The following ASAH2B variants were observed in gnomAD, a reference collection of about 807,000 sequenced individuals.
The protein encoded by ASAH2B is N-acylsphingosine amidohydrolase 2B.
In ASAH2B, 1 loss-of-function variant was observed where a neutral mutation model predicts 2.9. The observed-to-expected ratio is 0.34, with a 90% confidence interval of 0.12 to 1.63. The LOEUF is 1.63. Ranked by LOEUF, ASAH2B falls within the 40% of genes most tolerant of loss-of-function variation. The probability of loss-of-function intolerance (pLI) is 0.36; values close to 1 mark genes in which losing one functional copy is unlikely to be tolerated. For missense variants in ASAH2B, 9 were observed against 37.7 expected (o/e 0.24, Z 1.99); for synonymous variants, 4 against 13.3 (o/e 0.30, Z 1.52).
chr10:50,758,947 C>T lies in ASAH2B; in HGVS notation c.*4207C>T, dbSNP rs537043043. 1.1e-4 allele frequency: 16 copies of T among 151,908 alleles called. No individual in the cohort carries two copies. Among genetic ancestry groups the T allele is most frequent in the African/African-American group, 3.9e-4 (16 of 41,512 alleles). 9.4% of individuals were successfully genotyped at this position (151,908 alleles called of 1,614,324 possible). On this transcript the variant is annotated 3_prime_UTR_variant, in exon 6 of 6. Coordinates refer to ENST00000647317, the MANE Select transcript of ASAH2B (RefSeq NM_001321958.2). ...GGAAGAAATAACATATAAGCTAAGA[C>T]TTAAAAGATATGTAGAAATTAGCTA...
rs1837067867 is a variant in ASAH2B, at chr10:50,755,529, C to G, written c.*789C>G. 2 of 148,216 alleles carry G rather than the reference C, an allele frequency of 1.3e-5. No individual in the cohort carries two copies. Among genetic ancestry groups the G allele is most frequent in the South Asian group, 4.3e-4 (2 of 4,672 alleles). 9.2% of individuals were successfully genotyped at this position (148,216 alleles called of 1,614,324 possible). On this transcript the variant is annotated 3_prime_UTR_variant, in exon 6 of 6. Transcript: ENST00000647317. ...GTGTCTCTTACTCCCAAGACTTATT[C>G]CAAATGATTTTTTGACTCTTTTCAT...
At chr10:50,744,706 T>G (rs1564470501) in intron 2 of ASAH2B, 1 of 152,486 alleles carries the variant, frequency 6.6e-6, no homozygotes, top group African/African-American at 2.5e-5. Context: ...GACAAGAATC[T>G]AGGAAAAAAC....
At chr10:50,754,166 CAT>C (rs1164698561) in intron 5 of ASAH2B, among the ~76,000 whole-genome samples, 224 of 145,494 alleles carry the variant, frequency 1.5e-3, no homozygotes, top group African/African-American at 5.2e-3. Context: ...TACACACACA[CAT>C]ATATATATAT....
At chr10:50,741,912 A>G (rs1839836360) in intron 1 of ASAH2B, among the ~76,000 whole-genome samples, 1 of 152,294 alleles carries the variant, frequency 6.6e-6, no homozygotes, top group East Asian at 1.9e-4. Context: ...TAGGCAGAGG[A>G]CTGATTAAGA....
intron 4 of ASAH2B, among the ~76,000 whole-genome samples, chr10:50,751,607 T>TA (rs1274633443): frequency 6.6e-6 from 1 of 151,800 alleles, no homozygotes; most frequent in East Asian, 1.9e-4. Context: ...GTTGAATACT[T>TA]AAAGAAGAAT....
chr10:50,757,120 G>A lies in ASAH2B; in HGVS notation c.*2380G>A, dbSNP rs1188195991. Reference sequence around the variant, plus strand: ...CTTTGCCGGGTCTAGATTTTTTGATGAGTACTGTGTAAAATTGTCAATATT... The same window carrying A: ...CTTTGCCGGGTCTAGATTTTTTGATAAGTACTGTGTAAAATTGTCAATATT... On this transcript the variant is annotated 3_prime_UTR_variant, in exon 6 of 6. Coordinates refer to ENST00000647317, the MANE Select transcript of ASAH2B (RefSeq NM_001321958.2). The A allele has an allele frequency of 6.6e-6, 1 of 151,476 alleles. No homozygotes were observed. Among genetic ancestry groups the A allele is most frequent in the Non-Finnish European group, 1.5e-5 (1 of 67,698 alleles). The allele number at this position is 151,476 out of a possible 1,614,324, so 9.4% of individuals were successfully genotyped here. A position where few individuals can be genotyped will look rare whatever the true frequency, so the allele number is the denominator to read the frequency against.
Position 50,754,848 on chromosome 10 carries a change from T to C in ASAH2B, c.*108T>C, listed in dbSNP as rs1837045431. The C allele has an allele frequency of 6.9e-6, 1 of 145,124 alleles. No homozygotes were observed. The highest frequency in any genetic ancestry group is 4.1e-5 in the African/African-American group (1 of 24,120). 9.0% of individuals were successfully genotyped at this position (145,124 alleles called of 1,614,324 possible). A position where few individuals can be genotyped will look rare whatever the true frequency, so the allele number is the denominator to read the frequency against. ...ACTACCATGTTGACTTCTATAATCG[T>C]CCCTGTTTGGGGACAGATAGTTTAC... On this transcript the variant is annotated 3_prime_UTR_variant, in exon 6 of 6. Coordinates refer to ENST00000647317, the MANE Select transcript of ASAH2B (RefSeq NM_001321958.2).
intron 2 of ASAH2B, 33 bp downstream of exon 2, chr10:50,743,043 C>CAT (rs1564469948): frequency 1.5e-5 from 22 of 1,481,386 alleles, no homozygotes; most frequent in African/African-American, 2.8e-5. Context: ...TGCGTGCGTG[C>CAT]GTGTGTGTGT....
rs1451638561 is a variant in ASAH2B, at chr10:50,754,916, G to A, written c.*176G>A. The A allele has an allele frequency of 1.2e-5, 4 of 343,212 alleles. No homozygotes were observed. Among genetic ancestry groups the A allele is most frequent in the Non-Finnish European group, 2.2e-5 (4 of 180,884 alleles). The allele number at this position is 343,212 out of a possible 1,614,324, so 21.3% of individuals were successfully genotyped here. ...GGTGTGTGTGTGTGTGTGTGTGTGT[G>A]TGTGTGTGTGTGTGTGTGTGTATGT... On this transcript the variant is annotated 3_prime_UTR_variant, in exon 6 of 6. Coordinates refer to ENST00000647317, the MANE Select transcript of ASAH2B (RefSeq NM_001321958.2).
chr10:50,754,946 G>C lies in ASAH2B; in HGVS notation c.*206G>C. On this transcript the variant is annotated 3_prime_UTR_variant, in exon 6 of 6. Transcript: ENST00000647317. Reference sequence around the variant, plus strand: ...TGTGTGTGTGTGTGTGTATGTGAGAGAGAGAGAGAGAGAGAGAGGTTTGTC... The same window carrying C: ...TGTGTGTGTGTGTGTGTATGTGAGACAGAGAGAGAGAGAGAGAGGTTTGTC... 1 of 421,808 alleles carries C rather than the reference G, an allele frequency of 2.4e-6. No homozygotes were observed. The highest frequency in any genetic ancestry group is 2.4e-5 in the South Asian group (1 of 41,564). The allele number at this position is 421,808 out of a possible 1,614,324, so 26.1% of individuals were successfully genotyped here.
chr10:50,747,180 T>TG (rs1197903565), intron 3 of ASAH2B, among the ~76,000 whole-genome samples: 1 of 151,006 alleles, frequency 6.6e-6, no homozygotes, highest in African/African-American at 2.5e-5. Context: ...GAGTTAATTT[T>TG]TATATTTCCT....
chr10:50,748,760 G>T (rs1208045424), intron 3 of ASAH2B, among the ~76,000 whole-genome samples: 2 of 150,518 alleles, frequency 1.3e-5, no homozygotes, highest in East Asian at 1.9e-4. Flanking sequence ...TTCTGCCGTG[G>T]CCCGTAAACT....
At chr10:50,745,856 T>G (rs1227206457) in intron 3 of ASAH2B, among the ~76,000 whole-genome samples, 4 of 150,760 alleles carry the variant, frequency 2.7e-5, no homozygotes, top group South Asian at 2.1e-4. Context: ...AATTTTTATT[T>G]AATTTTCTAA....
At position 50,743,020 on chromosome 10, in the gene ASAH2B, T is replaced by C. The variant is rs761842684; in HGVS notation, c.-4+10T>C. ...TAAGGCTATTGCTACGGTAATCAAA[T>C]ATTGTTTGTGCGTGCGTGCGTGCGT... On this transcript the variant is annotated intron_variant, in intron 2 of 5. Coordinates refer to ENST00000647317, the MANE Select transcript of ASAH2B (RefSeq NM_001321958.2). 1 of 1,612,914 alleles carries C rather than the reference T, an allele frequency of 6.2e-7. No individual in the cohort carries two copies.
At chr10:50,742,810 G>C in intron 1 of ASAH2B, 105 bp from the exon 2 acceptor site, 3 of 1,133,242 alleles carry the variant, frequency 2.6e-6, no homozygotes, top group Non-Finnish European at 1.3e-6. Flanking sequence ...TGCCAGTTTT[G>C]AATAATGTGA....
intron 3 of ASAH2B, among the ~76,000 whole-genome samples, chr10:50,746,743 G>A (rs1401452406): frequency 5.3e-5 from 8 of 150,282 alleles, no homozygotes; most frequent in Non-Finnish European, 1.0e-4. Context: ...GCATTTCTTC[G>A]ATGATCACTG....
chr10:50,754,140 T>TAC (rs1017987186), intron 5 of ASAH2B, among the ~76,000 whole-genome samples: 2 of 149,702 alleles, frequency 1.3e-5, no homozygotes, highest in African/African-American at 2.5e-5. Flanking sequence ...TATATATATA[T>TAC]ACATATATAT....
intron 2 of ASAH2B, among the ~76,000 whole-genome samples, chr10:50,743,369 G>C (rs1034383358): frequency 6.6e-6 from 1 of 150,486 alleles, no homozygotes; most frequent in Non-Finnish European, 1.5e-5. Flanking sequence ...CCTGGGAGTT[G>C]AACCTGTGTT....
chr10:50,743,725 A>G (rs1369823790), intron 2 of ASAH2B: 1 of 151,022 alleles, frequency 6.6e-6, no homozygotes, highest in African/African-American at 2.5e-5. Context: ...ATGAAGCTGC[A>G]ACTGTGATGT....
Sources: allele counts gnomAD v4.1 joint callset (sites outside exome capture counted in the v4.1 genomes callset), GRCh38; gene constraint gnomAD v4.1.1; transcripts MANE v1.5; gene names NCBI Gene and HGNC (gene_info 2026-07-23, HGNC 2026-07-21).